The following ARSJ variants were observed in gnomAD, a reference collection of about 807,000 sequenced individuals.
ARSJ encodes the protein arylsulfatase family member J.
In ARSJ, 26 loss-of-function variants were observed where a neutral mutation model predicts 35.9. That is an observed-to-expected ratio of 0.72 (90% CI 0.53 to 1.00). ARSJ has a LOEUF of 1.00. ARSJ is among the 50% of genes least tolerant of loss of function. ARSJ has a pLI of 0.00. For missense variants in ARSJ, 667 were observed against 723.6 expected (o/e 0.92, Z 0.90); for synonymous variants, 294 against 267.6 (o/e 1.10, Z -0.96).
intron 1 of ARSJ, among the ~76,000 whole-genome samples, chr4:113,906,958 G>A (rs569973769): frequency 6.6e-6 from 1 of 152,170 alleles, no homozygotes; most frequent in Non-Finnish European, 1.5e-5. Flanking sequence ...TGAGAAGTCA[G>A]ATTTTTTAAG....
chr4:113,976,218 C>G (rs1032629749), intron 1 of ARSJ, among the ~76,000 whole-genome samples: 1 of 152,142 alleles, frequency 6.6e-6, no homozygotes, highest in Non-Finnish European at 1.5e-5. Context: ...ATTATGTAAA[C>G]TCTTTGTCAT....
At chr4:113,961,962 C>T (rs1372672148) in intron 1 of ARSJ, among the ~76,000 whole-genome samples, 1 of 150,312 alleles carries the variant, frequency 6.7e-6, no homozygotes, top group African/African-American at 2.5e-5. Flanking sequence ...ATATTTGATG[C>T]AATCAATAGT....
chr4:113,931,981 C>A (rs911890061), intron 1 of ARSJ, among the ~76,000 whole-genome samples: 4 of 151,986 alleles, frequency 2.6e-5, no homozygotes, highest in African/African-American at 9.6e-5. Context: ...CTATAATGAC[C>A]CACATAAACT....
At chr4:113,931,027 G>C (rs1171787838) in intron 1 of ARSJ, among the ~76,000 whole-genome samples, 2 of 151,924 alleles carry the variant, frequency 1.3e-5, no homozygotes, top group Non-Finnish European at 2.9e-5. Flanking sequence ...GACTGTGGTG[G>C]GGTGGGGGGA....
chr4:113,974,247 A>G (rs1360032231), intron 1 of ARSJ, among the ~76,000 whole-genome samples: 1 of 152,162 alleles, frequency 6.6e-6, no homozygotes, highest in African/African-American at 2.4e-5. Flanking sequence ...GGACATAAAA[A>G]GAAAAAGATT....
chr4:113,934,781 G>A (rs750812112), intron 1 of ARSJ, among the ~76,000 whole-genome samples: 18 of 151,634 alleles, frequency 1.2e-4, no homozygotes, highest in Non-Finnish European at 2.4e-4. Flanking sequence ...ATATTAAACT[G>A]TCACATGTAG....
chr4:113,942,373 C>T (rs7679730), intron 1 of ARSJ, among the ~76,000 whole-genome samples: 54,887 of 151,636 alleles, frequency 0.36, 10,716 homozygotes, highest in African/African-American at 0.51. Flanking sequence ...CTACAAAGTA[C>T]CTAAAATATA....
chr4:113,941,599 A>G (rs541511884), intron 1 of ARSJ, among the ~76,000 whole-genome samples: 1 of 152,182 alleles, frequency 6.6e-6, no homozygotes, highest in Non-Finnish European at 1.5e-5. Flanking sequence ...ACAAAATGTC[A>G]TTTAATTCAA....
chr4:113,967,692 G>T (rs771778370), intron 1 of ARSJ, among the ~76,000 whole-genome samples: 3 of 152,122 alleles, frequency 2.0e-5, no homozygotes, highest in Admixed American at 6.5e-5. Context: ...ATTACTAAAG[G>T]TTGCTACCAA....
In ARSJ at chr4:113,939,460, G is replaced by T. The variant is rs889752302; in HGVS notation, c.399-35785C>A. On this transcript the variant is annotated intron_variant, in intron 1 of 1. Transcript: ENST00000315366. ...ATGGCTGGGTCAAATGGTATTTCTA[G>T]TTCTAGAGCCCCGAGGAATTGCCAC... Among the ~76,000 whole-genome samples the T allele has an allele frequency of 5.2e-4, 79 of 152,148 alleles. 1 individual carries two copies. Among genetic ancestry groups the T allele is most frequent in the African/African-American group, 1.6e-3 (65 of 41,490 alleles).
intron 1 of ARSJ, among the ~76,000 whole-genome samples, chr4:113,946,684 T>A (rs756837022): frequency 2.8e-4 from 43 of 151,964 alleles, no homozygotes; most frequent in Non-Finnish European, 5.1e-4. Context: ...TTGACCTCAA[T>A]AATAGTAATA....
chr4:113,903,780 A>AAAT, intron 1 of ARSJ, 105 bp from the exon 2 acceptor site: 1 of 1,393,890 alleles, frequency 7.2e-7, no homozygotes, highest in African/African-American at 1.5e-5. Flanking sequence ...CATCATTGTT[A>AAAT]AATTATAATT....
chr4:113,969,063 A>C lies in ARSJ; in HGVS notation c.398+9374T>G, dbSNP rs74956515. 0.013 allele frequency among the ~76,000 whole-genome samples: 2,055 copies of C among 152,298 alleles called. 116 individuals are homozygous for C. In the East Asian group the frequency reaches 0.16, roughly 12 times the overall value. On this transcript the variant is annotated intron_variant, in intron 1 of 1. Coordinates refer to ENST00000315366, the MANE Select transcript of ARSJ (RefSeq NM_024590.4). Reference sequence around the variant, plus strand: ...ATGTCTTGAGATTTTTGATTGAAGGAATTTGAAGTAATTAATCACTGGCCT... The same window carrying C: ...ATGTCTTGAGATTTTTGATTGAAGGCATTTGAAGTAATTAATCACTGGCCT...
At chr4:113,930,663 T>A (rs1724380563) in intron 1 of ARSJ, among the ~76,000 whole-genome samples, 2 of 151,986 alleles carry the variant, frequency 1.3e-5, no homozygotes, top group South Asian at 4.2e-4. Flanking sequence ...GACCCGGCCA[T>A]CCCATTACTG....
intron 1 of ARSJ, among the ~76,000 whole-genome samples, chr4:113,964,455 A>G (rs1432315825): frequency 1.3e-5 from 2 of 152,104 alleles, no homozygotes; most frequent in Non-Finnish European, 2.9e-5. Context: ...AGCCTAAAAT[A>G]AGAATATATA....
Position 113,978,496 on chromosome 4 carries a change from C to T in ARSJ, c.339G>A (p.Leu113=), listed in dbSNP as rs1727729765. ...AAATAGGCTGGACATAGTAGTTCTC[C>T]AGTTTAACTCCTTCGGCAGCGAGCT... The part of the protein sequence containing the change: ...LDKLAAEGVK[L]ENYYVQPICT... The change falls in exon 1 of 2, where the codon CTG becomes CTA. Residue 113 remains leucine (L), a synonymous_variant. Coordinates refer to ENST00000315366, the MANE Select transcript of ARSJ (RefSeq NM_024590.4). 6.2e-7 allele frequency: 1 copy of T among 1,614,074 alleles called. No individual in the cohort carries two copies. Among genetic ancestry groups the T allele is most frequent in the Non-Finnish European group, 8.5e-7 (1 of 1,179,938 alleles).
intron 1 of ARSJ, among the ~76,000 whole-genome samples, chr4:113,924,655 T>C (rs1017238900): frequency 6.6e-6 from 1 of 152,088 alleles, no homozygotes; most frequent in Admixed American, 6.6e-5. Flanking sequence ...TCAAATACTA[T>C]TACATAAAGT....
intron 1 of ARSJ, chr4:113,906,833 G>C: frequency 2.3e-6 from 1 of 428,768 alleles, no homozygotes; most frequent in East Asian, 7.5e-5. Context: ...TTTATTCAGC[G>C]ATAGCTTTAA....
intron 1 of ARSJ, among the ~76,000 whole-genome samples, chr4:113,925,000 TTG>T (rs1391214861): frequency 6.6e-6 from 1 of 152,126 alleles, no homozygotes; most frequent in East Asian, 1.9e-4. Flanking sequence ...CCTGCCGGGA[TTG>T]GGCTGTTGTA....
Sources: gnomAD v4.1 joint callset for allele counts (sites outside exome capture counted in the v4.1 genomes callset) on GRCh38, gnomAD v4.1.1 for gene constraint, MANE v1.5 for transcripts, NCBI Gene and HGNC (gene_info 2026-07-23, HGNC 2026-07-21) for gene names.